The following KDM5C variants were observed in gnomAD, a reference collection of about 807,000 sequenced individuals.
KDM5C encodes the protein lysine demethylase 5C.
Under a neutral mutation model 110.6 loss-of-function variants are expected in KDM5C, and 16 were observed. The ratio of observed to expected loss-of-function variants is 0.14; its 90% CI spans 0.10 to 0.22. The LOEUF (loss-of-function observed/expected upper bound fraction) is 0.22, where lower values mean the gene tolerates loss of function less well. Ranked by LOEUF, KDM5C falls within the 10% of genes least tolerant of loss-of-function variation. The probability of loss-of-function intolerance (pLI) is 1.00; values close to 1 mark genes in which losing one functional copy is unlikely to be tolerated. For synonymous variants in KDM5C, 511 were observed against 520.4 expected (o/e 0.98, Z 0.24); for missense variants, 681 against 1,300.9 (o/e 0.52, Z 7.33).
chrX:53,219,556 A>G (rs1303389190), intron 2 of KDM5C, among the ~76,000 whole-genome samples: 6 of 112,114 alleles, frequency 5.4e-5, no homozygotes, highest in Admixed American at 2.8e-4. Flanking sequence ...CAAGTCTACA[A>G]CCTCCTCACT....
downstream of KDM5C, among the ~76,000 whole-genome samples, chrX:53,188,932 G>C (rs1934319467): frequency 9.0e-6 from 1 of 111,306 alleles, no homozygotes; most frequent in Admixed American, 9.6e-5. Context: ...AGCCACATGA[G>C]TCAGCTTGAA....
intron 25 of KDM5C, among the ~76,000 whole-genome samples, chrX:53,180,795 C>T (rs1051362672): frequency 2.3e-5 from 2 of 87,000 alleles, no homozygotes; most frequent in East Asian, 8.4e-4. Flanking sequence ...GGCGCGATCT[C>T]GGCTCGCTGC....
chrX:53,201,236 T>C (rs2073129884), intron 14 of KDM5C: 3 of 306,295 alleles, frequency 9.8e-6, no homozygotes, highest in Non-Finnish European at 1.8e-5. Flanking sequence ...ATGTAAATAA[T>C]GATAAATAGC....
intron 23 of KDM5C, 133 bp downstream of exon 23, chrX:53,194,006 G>C (rs181500957): frequency 1.0e-6 from 1 of 978,228 alleles, no homozygotes; most frequent in East Asian, 3.3e-5. Flanking sequence ...AATCTGGACA[G>C]ATGCAGAATG....
chrX:53,178,732 G>A (rs781791721), intron 25 of KDM5C, among the ~76,000 whole-genome samples: 4 of 112,497 alleles, frequency 3.6e-5, no homozygotes, highest in Non-Finnish European at 5.6e-5. Context: ...TAGGTACAAC[G>A]CCAAAGGCAT....
chrX:53,183,281 A>C (rs1271676576), intron 25 of KDM5C, among the ~76,000 whole-genome samples: 3 of 106,455 alleles, frequency 2.8e-5, no homozygotes, highest in Admixed American at 1.0e-4. Flanking sequence ...AAAAAAAAAA[A>C]AAAAATTAGC....
At chrX:53,184,023 T>C (rs1556827260) in intron 25 of KDM5C, among the ~76,000 whole-genome samples, 2 of 111,393 alleles carry the variant, frequency 1.8e-5, no homozygotes, top group African/African-American at 6.6e-5. Flanking sequence ...AGATCTTTAA[T>C]TTCTTTCACC....
chrX:53,189,723 A>G (rs1175925184), downstream of KDM5C, among the ~76,000 whole-genome samples: 4 of 112,361 alleles, frequency 3.6e-5, no homozygotes, highest in Non-Finnish European at 7.5e-5. Flanking sequence ...TGATGCTCCT[A>G]CCTCCTTCTA....
intron 12 of KDM5C, among the ~76,000 whole-genome samples, chrX:53,208,803 CTCT>C (rs2073456984): frequency 2.1e-5 from 1 of 47,056 alleles, no homozygotes; most frequent in Non-Finnish European, 4.0e-5. Flanking sequence ...CCACACCCGG[CTCT>C]TTTTTTTTTT....
At chrX:53,220,964 G>C (rs1556854426) in intron 1 of KDM5C, 48 bp from the exon 2 acceptor site, 1 of 1,081,473 alleles carries the variant, frequency 9.2e-7, no homozygotes, top group East Asian at 3.0e-5. Flanking sequence ...TCAGCATAGT[G>C]TAAGACCGGA....
chrX:53,191,959 A>C (rs1193576735), downstream of KDM5C: 4 of 173,827 alleles, frequency 2.3e-5, no homozygotes, highest in Non-Finnish European at 4.4e-5. Context: ...TTTGGACTTG[A>C]GGGAAAGTGG....
chrX:53,195,185 AG>A, intron 21 of KDM5C, 45 bp downstream of exon 21: 1 of 1,179,836 alleles, frequency 8.5e-7, no homozygotes. Flanking sequence ...CACAGAAGCC[AG>A]GGCAGGCGTT....
intron 25 of KDM5C, among the ~76,000 whole-genome samples, chrX:53,182,658 C>CGCCTG (rs782576730): frequency 1.7e-4 from 19 of 113,281 alleles, no homozygotes; most frequent in African/African-American, 6.1e-4. Flanking sequence ...TGAGCCACTG[C>CGCCTG]GCCTGGCCTC....
rs782413552 is a variant in KDM5C at position 53,193,450 on chromosome X, C to T, written c.4304G>A (p.Arg1435His). ...AGQPPDLERI[R>H]TLLELEKAER... ...CCCTCTCCTCACCTCCAGAAGTGTG[C>T]GGATCCTCTCCAGGTCTGGGGGCTG... is the stretch of plus-strand genomic sequence containing the variant. The change falls in exon 25 of 26, where the codon CGC (arginine) becomes CAC (histidine). Residue 1435 changes from arginine (R) to histidine (H), a missense_variant. Arg to His is a conservative substitution (Grantham distance 29). Around this residue, in one of 14 missense-constraint regions of KDM5C, gnomAD observed 115 missense variants for 120.9 expected, o/e 0.95. Coordinates refer to ENST00000375401, the MANE Select transcript of KDM5C (RefSeq NM_004187.5). The T allele has an allele frequency of 3.1e-5, 37 of 1,209,922 alleles. 1 individual carries two copies. In the South Asian group the frequency reaches 5.3e-4, roughly 17 times the overall value.
At chrX:53,208,255 C>T (rs1347789388) in intron 12 of KDM5C, among the ~76,000 whole-genome samples, 1 of 108,806 alleles carries the variant, frequency 9.2e-6, no homozygotes, top group African/African-American at 3.3e-5. Context: ...AAAGTAGCAG[C>T]TGGCCAGAGA....
At chrX:53,191,345 T>C (rs781855409), downstream of KDM5C, 2 of 174,452 alleles carry the variant, frequency 1.1e-5, no homozygotes, top group Non-Finnish European at 2.2e-5. Flanking sequence ...ATTCCATTTA[T>C]GTAAAATGTC....
At chrX:53,208,805 C>CTT (rs782216325) in intron 12 of KDM5C, among the ~76,000 whole-genome samples, 4,858 of 22,141 alleles carry the variant, frequency 0.22, 1,921 homozygotes, top group Non-Finnish European at 0.29. Context: ...ACACCCGGCT[C>CTT]TTTTTTTTTT....
chrX:53,187,904 G>A (rs899289411), downstream of KDM5C, among the ~76,000 whole-genome samples: 6 of 108,789 alleles, frequency 5.5e-5, no homozygotes, highest in South Asian at 8.2e-4. Context: ...CACCACTCCC[G>A]GCTAATTTTT....
At chrX:53,203,773 T>C in intron 12 of KDM5C, among the ~76,000 whole-genome samples, 1 of 98,001 alleles carries the variant, frequency 1.0e-5, no homozygotes, top group South Asian at 4.9e-4. Context: ...CAGTTTTTTG[T>C]TTTTTTTTTT....
Sources: gnomAD v4.1 joint callset for allele counts (sites outside exome capture counted in the v4.1 genomes callset) on GRCh38, gnomAD v4.1.1 for gene constraint, gnomAD v4.1.1 regional missense constraint, MANE v1.5 for transcripts, NCBI Gene and HGNC (gene_info 2026-07-23, HGNC 2026-07-21) for gene names.